HDAC1: variants seen among roughly 807,000 people sequenced by gnomAD.
HDAC1 encodes protein deacetylase HDAC1.
HDAC1 carries 18 observed loss-of-function variants against 65.5 expected under a neutral mutation model. The ratio of observed to expected loss-of-function variants is 0.27; its 90% CI spans 0.19 to 0.41. The LOEUF (loss-of-function observed/expected upper bound fraction) is 0.41, where lower values mean the gene tolerates loss of function less well. HDAC1 is among the 10% of genes least tolerant of loss of function. The pLI is 1.00. For synonymous variants in HDAC1, 211 were observed against 227.9 expected, an observed-to-expected ratio of 0.93 and a Z score of 0.67; for missense variants, 373 against 625.2, an observed-to-expected ratio of 0.60 and a Z score of 4.30.
intron 2 of HDAC1, among the ~76,000 whole-genome samples, 181 bp from the exon 3 acceptor site, chr1:32,316,484 G>T (rs559680880): frequency 1.3e-5 from 2 of 152,176 alleles, no homozygotes; most frequent in Non-Finnish European, 2.9e-5. Flanking sequence ...TGTCTCCTTT[G>T]ATAATCTTGT....
chr1:32,301,054 AGAGT>A (rs1640840647), intron 1 of HDAC1, among the ~76,000 whole-genome samples: 1 of 152,052 alleles, frequency 6.6e-6, no homozygotes, highest in South Asian at 2.1e-4. Flanking sequence ...AGAGAGAGAG[AGAGT>A]GAGTGTGTGT....
chr1:32,302,418 A>C (rs1412331109), intron 1 of HDAC1, among the ~76,000 whole-genome samples: 1 of 149,912 alleles, frequency 6.7e-6, no homozygotes, highest in Non-Finnish European at 1.5e-5. Flanking sequence ...GCTAGACTGA[A>C]CCTTAAATGT....
intron 2 of HDAC1, among the ~76,000 whole-genome samples, chr1:32,303,126 T>C (rs2148058514): frequency 1.3e-5 from 2 of 152,198 alleles, no homozygotes; most frequent in South Asian, 4.2e-4. Context: ...TGAGCTATGA[T>C]TGTGCCACTG....
chr1:32,298,955 C>T (rs1640809074), intron 1 of HDAC1, among the ~76,000 whole-genome samples: 2 of 152,128 alleles, frequency 1.3e-5, no homozygotes, highest in African/African-American at 2.4e-5. Flanking sequence ...CCTGAGATCG[C>T]ACCACTGCAC....
At position 32,329,018 on chromosome 1, in the gene HDAC1, T is replaced by G. The variant is rs767842059; in HGVS notation, c.637-50T>G. 5 of 1,133,402 alleles carry G rather than the reference T, an allele frequency of 4.4e-6. 1 individual carries two copies. In the South Asian group the frequency reaches 6.1e-5, roughly 14 times the overall value. 70.2% of individuals were successfully genotyped at this position (1,133,402 alleles called of 1,614,324 possible). A position where few individuals can be genotyped will look rare whatever the true frequency, so the allele number is the denominator to read the frequency against. On this transcript the variant is annotated intron_variant, in intron 6 of 13. Transcript: ENST00000373548. The surrounding 1 kb of genome is among the most constrained non-coding windows in gnomAD (Gnocchi z 4.1). ...ATCCCTCCAGCCCCTATCCTTGACC[T>G]TCCTTCAAGCTTCATCCTTCAGTTT...
intron 1 of HDAC1, among the ~76,000 whole-genome samples, chr1:32,297,043 G>A (rs905438260): frequency 6.6e-6 from 1 of 152,106 alleles, no homozygotes; most frequent in African/African-American, 2.4e-5. Context: ...TCCTGAGGGT[G>A]GGGTAGGGCA....
At chr1:32,308,141 G>A (rs1570012294) in intron 2 of HDAC1, among the ~76,000 whole-genome samples, 1 of 152,190 alleles carries the variant, frequency 6.6e-6, no homozygotes, top group Admixed American at 6.5e-5. Context: ...CCAACATGGA[G>A]AAACCCCATC....
At chr1:32,326,660 T>A (rs999532985) in intron 4 of HDAC1, among the ~76,000 whole-genome samples, 14 of 152,036 alleles carry the variant, frequency 9.2e-5, no homozygotes, top group African/African-American at 3.1e-4. Flanking sequence ...TAAAAAAATA[T>A]ATATATATAT....
rs1258727213 is a variant in HDAC1 at position 32,327,322 on chromosome 1, C to T, written c.495-214C>T. 3 of 618,206 alleles carry T rather than the reference C, an allele frequency of 4.9e-6. No homozygotes were observed. The highest frequency in any genetic ancestry group is 8.5e-6 in the Non-Finnish European group (3 of 351,516). The allele number at this position is 618,206 out of a possible 1,614,324, so 38.3% of individuals were successfully genotyped here. On this transcript the variant is annotated intron_variant, in intron 5 of 13. Coordinates refer to ENST00000373548, the MANE Select transcript of HDAC1 (RefSeq NM_004964.3). This position sits in a 1 kb window ranked among gnomAD's most constrained non-coding sequence, Gnocchi z 6.0. ...GTGTCCCTGTGTGGCTGGAGTTGAC[C>T]CTGGCTGTAGAGTAGGAAGATCGGA...
Position 32,329,414 on chromosome 1 carries a change from G to GAT in HDAC1, c.729+254_729+255insAT, listed in dbSNP as rs1557612437. On this transcript the variant is annotated intron_variant, in intron 7 of 13. Coordinates refer to ENST00000373548, the MANE Select transcript of HDAC1 (RefSeq NM_004964.3). The surrounding 1 kb of genome is among the most constrained non-coding windows in gnomAD (Gnocchi z 4.1). ...CATGATCTTTGCCCTCACGGACTAT[G>GAT]GTGGGGAAGGCAGGCACATACCCAG... is the stretch of plus-strand genomic sequence containing the variant. 5.2e-6 allele frequency: 3 copies of GAT among 577,504 alleles called. No homozygotes were observed. The highest frequency in any genetic ancestry group is 9.3e-6 in the Non-Finnish European group (3 of 322,360). The allele number at this position is 577,504 out of a possible 1,614,324, so 35.8% of individuals were successfully genotyped here.
intron 2 of HDAC1, among the ~76,000 whole-genome samples, chr1:32,311,906 GC>G (rs1640997183): frequency 6.6e-6 from 1 of 152,172 alleles, no homozygotes. Flanking sequence ...AGAAGGGATA[GC>G]CAGACCAAAG....
rs779501202 is a variant in HDAC1 at position 32,324,578 on chromosome 1, A to G, written c.355+25A>G. 6 of 1,510,814 alleles carry G rather than the reference A, an allele frequency of 4.0e-6. No individual in the cohort carries two copies. The Admixed American group carries it at 6.7e-5, about 17-fold the overall frequency. 93.6% of individuals were successfully genotyped at this position (1,510,814 alleles called of 1,614,324 possible). A position where few individuals can be genotyped will look rare whatever the true frequency, so the allele number is the denominator to read the frequency against. On this transcript the variant is annotated intron_variant, in intron 4 of 13. Coordinates refer to ENST00000373548, the MANE Select transcript of HDAC1 (RefSeq NM_004964.3). The stretch of plus-strand genomic sequence containing the variant: ...GGTAAGGAATATTCATCTTCTCCCC[A>G]GGGGTAGACTGGGTTGTTCTAGTGA...
In HDAC1 at chr1:32,330,518, CCACT is replaced by C; in HGVS notation, c.730-58_730-55del. On this transcript the variant is annotated intron_variant, in intron 7 of 13. Transcript: ENST00000373548. This position sits in a 1 kb window ranked among gnomAD's most constrained non-coding sequence, Gnocchi z 4.2. ...TGGGAAAGTGTTGCACCCAGCCTTT[CCACT>C]CCAAACCTCGTATTGCTTTCTTGAG... 8.5e-7 allele frequency: 1 copy of C among 1,180,068 alleles called. No homozygotes were observed. The highest frequency in any genetic ancestry group is 1.3e-6 in the Non-Finnish European group (1 of 786,014). The allele number at this position is 1,180,068 out of a possible 1,614,324, so 73.1% of individuals were successfully genotyped here. A position where few individuals can be genotyped will look rare whatever the true frequency, so the allele number is the denominator to read the frequency against.
chr1:32,297,991 G>T (rs182912826), intron 1 of HDAC1, among the ~76,000 whole-genome samples: 1 of 150,984 alleles, frequency 6.6e-6, no homozygotes, highest in East Asian at 1.9e-4. Context: ...GGGTTTCACC[G>T]TGTTAGCCAG....
intron 1 of HDAC1, among the ~76,000 whole-genome samples, chr1:32,299,026 AC>A (rs929904909): frequency 1.3e-5 from 2 of 152,100 alleles, no homozygotes. Context: ...ATTAAGTAGT[AC>A]CTAAATAAAA....
Sources: allele counts gnomAD v4.1 joint callset (sites outside exome capture counted in the v4.1 genomes callset), GRCh38; gene constraint gnomAD v4.1.1; non-coding constraint Gnocchi (gnomAD v3.1); transcripts MANE v1.5; gene names NCBI Gene and HGNC (gene_info 2026-07-23, HGNC 2026-07-21).